The following DPYSL5 variants were observed in gnomAD, a reference collection of about 807,000 sequenced individuals.
DPYSL5 encodes the protein dihydropyrimidinase-related protein 5.
DPYSL5 carries 9 observed loss-of-function variants against 58.4 expected under a neutral mutation model. The ratio of observed to expected loss-of-function variants is 0.15; its 90% confidence interval spans 0.09 to 0.27. DPYSL5 has a LOEUF of 0.27. Ranked by LOEUF, DPYSL5 falls within the 10% of genes least tolerant of loss-of-function variation. The probability of loss-of-function intolerance (pLI) is 1.00; values close to 1 mark genes in which losing one functional copy is unlikely to be tolerated. For missense variants in DPYSL5, 499 were observed against 770.6 expected, an observed-to-expected ratio of 0.65 and a Z score of 4.17; for synonymous variants, 293 against 301.9, an observed-to-expected ratio of 0.97 and a Z score of 0.31.
intron 2 of DPYSL5, among the ~76,000 whole-genome samples, chr2:26,913,527 G>A (rs542694712): frequency 4.9e-4 from 74 of 152,268 alleles, no homozygotes; most frequent in South Asian, 3.7e-3. Flanking sequence ...TGGATACCTA[G>A]GTTGCTACCA....
Position 26,927,479 on chromosome 2 carries a change from C to T in DPYSL5, c.600+47C>T, listed in dbSNP as rs747597484. Reference sequence around the variant, plus strand: ...TTGGATGGAGGGACACCAGTGGAGACAGTTAGTTCTCAGGGGATTCCTGAC... The same window carrying T: ...TTGGATGGAGGGACACCAGTGGAGATAGTTAGTTCTCAGGGGATTCCTGAC... On this transcript the variant is annotated intron_variant, in intron 4 of 12. Transcript: ENST00000288699. This position sits in a 1 kb window ranked among gnomAD's most constrained non-coding sequence, Gnocchi z 4.3. 4.8e-5 allele frequency: 76 copies of T among 1,593,554 alleles called. No individual in the cohort carries two copies. In the Middle Eastern group the frequency reaches 1.0e-3, roughly 21 times the overall value.
chr2:26,914,113 T>G (rs1038528581), intron 2 of DPYSL5, among the ~76,000 whole-genome samples: 2 of 152,182 alleles, frequency 1.3e-5, no homozygotes, highest in Non-Finnish European at 2.9e-5. Flanking sequence ...CAGACCGGTT[T>G]CCAGTATTAC....
intron 1 of DPYSL5, among the ~76,000 whole-genome samples, chr2:26,855,289 C>T (rs1008677473): frequency 2.0e-5 from 3 of 151,732 alleles, no homozygotes; most frequent in East Asian, 2.0e-4. Flanking sequence ...TTTAGCTGGG[C>T]GTGGTGGCAG....
intron 1 of DPYSL5, among the ~76,000 whole-genome samples, chr2:26,863,335 G>T (rs1039946408): frequency 2.6e-5 from 4 of 152,314 alleles, no homozygotes; most frequent in African/African-American, 9.6e-5. Context: ...CAGGAGTGTG[G>T]GACAGTCTTG....
intron 1 of DPYSL5, among the ~76,000 whole-genome samples, chr2:26,869,986 G>A (rs1485127271): frequency 2.0e-5 from 3 of 152,200 alleles, no homozygotes; most frequent in Non-Finnish European, 2.9e-5. Context: ...ACTCCAGCCT[G>A]GGTGACAGAG....
At chr2:26,931,561 A>G in intron 5 of DPYSL5, 79 bp from the exon 6 acceptor site, 1 of 1,577,094 alleles carries the variant, frequency 6.3e-7, no homozygotes, top group South Asian at 1.1e-5. Flanking sequence ...CAGTTGCTCC[A>G]TGAAGGGGAG....
At chr2:26,874,747 T>A (rs1314805907) in intron 1 of DPYSL5, among the ~76,000 whole-genome samples, 2 of 152,174 alleles carry the variant, frequency 1.3e-5, no homozygotes, top group Non-Finnish European at 2.9e-5. Flanking sequence ...TGGTGAGAGG[T>A]GTGGCTGCTG....
chr2:26,943,714 A>G lies in DPYSL5; in HGVS notation c.1441-942A>G, dbSNP rs141982691. 3.6e-3 allele frequency among the ~76,000 whole-genome samples: 542 copies of G among 152,314 alleles called. 4 individuals are homozygous for G. Among genetic ancestry groups the G allele is most frequent in the Middle Eastern group, 0.024 (7 of 294 alleles). ...TCTCCTGCAACTCTCTGATGTAGGT[A>G]TAGTATTATGGGCACAGAAAAGTAA... On this transcript the variant is annotated intron_variant, in intron 11 of 12. Transcript: ENST00000288699.
chr2:26,857,487 C>A (rs369180947), intron 1 of DPYSL5, among the ~76,000 whole-genome samples: 4 of 151,842 alleles, frequency 2.6e-5, no homozygotes, highest in East Asian at 1.9e-4. Flanking sequence ...TTGCAGTGAG[C>A]CGAGATTGCT....
chr2:26,889,109 G>A (rs547697529), intron 1 of DPYSL5, among the ~76,000 whole-genome samples: 16 of 152,234 alleles, frequency 1.1e-4, no homozygotes, highest in African/African-American at 1.9e-4. Flanking sequence ...ATTAGGCTTC[G>A]ACATATGAAT....
chr2:26,938,873 C>G (rs1158949592), intron 8 of DPYSL5: 2 of 152,130 alleles, frequency 1.3e-5, no homozygotes, highest in Non-Finnish European at 2.9e-5. Flanking sequence ...TCCAGCCAGG[C>G]CTTTCTCTGG....
chr2:26,873,816 G>C (rs867767293), intron 1 of DPYSL5, among the ~76,000 whole-genome samples: 1 of 152,126 alleles, frequency 6.6e-6, no homozygotes, highest in African/African-American at 2.4e-5. Context: ...TTCTTTACTC[G>C]GTCTACTGAC....
chr2:26,892,684 CA>C (rs887386485), intron 1 of DPYSL5, among the ~76,000 whole-genome samples: 3 of 141,626 alleles, frequency 2.1e-5, no homozygotes, highest in African/African-American at 7.8e-5. Flanking sequence ...AAAACAAAAA[CA>C]AAAAAACAAA....
intron 11 of DPYSL5, among the ~76,000 whole-genome samples, chr2:26,943,142 G>T (rs1377999029): frequency 1.3e-5 from 2 of 152,064 alleles, no homozygotes; most frequent in African/African-American, 4.8e-5. Context: ...GCAAGCGGGG[G>T]GTAGAGCTGG....
rs529990610 is a variant in DPYSL5 at position 26,934,420 on chromosome 2, G to A, written c.791-158G>A. Among the ~76,000 whole-genome samples, 51 of 152,290 alleles carry A rather than the reference G, an allele frequency of 3.3e-4. No homozygotes were observed. The highest frequency in any genetic ancestry group is 1.0e-3 in the African/African-American group (43 of 41,546). On this transcript the variant is annotated intron_variant, in intron 7 of 12. Transcript: ENST00000288699. The surrounding 1 kb of genome is among the most constrained non-coding windows in gnomAD (Gnocchi z 4.3). Reference sequence around the variant, plus strand: ...TCAGCAGAATAGGGAGGCTCTCTGGGCTTGAACCCAGCTGTGCTCTTAAAA... The same window carrying A: ...TCAGCAGAATAGGGAGGCTCTCTGGACTTGAACCCAGCTGTGCTCTTAAAA...
intron 5 of DPYSL5, among the ~76,000 whole-genome samples, chr2:26,929,051 A>G (rs6547317): frequency 0.59 from 89,056 of 151,548 alleles, 26,547 homozygotes; most frequent in East Asian, 0.68. Context: ...GCAGGAGGTG[A>G]GCAGCGGGCC....
chr2:26,934,755 A>C lies in DPYSL5; in HGVS notation c.947+21A>C. 1 of 1,613,466 alleles carries C rather than the reference A, an allele frequency of 6.2e-7. No individual in the cohort carries two copies. Among genetic ancestry groups the C allele is most frequent in the Non-Finnish European group, 8.5e-7 (1 of 1,179,612 alleles). ...GCCAAGTAAGGCGTTTCAGCAGCACATTGCAGGGATGTGTACATCTTTAGG... is the reference window on the plus strand; with the variant it reads ...GCCAAGTAAGGCGTTTCAGCAGCACCTTGCAGGGATGTGTACATCTTTAGG... On this transcript the variant is annotated intron_variant, in intron 8 of 12. Coordinates refer to ENST00000288699, the MANE Select transcript of DPYSL5 (RefSeq NM_020134.4). This position sits in a 1 kb window ranked among gnomAD's most constrained non-coding sequence, Gnocchi z 4.3.
At chr2:26,850,582 C>T (rs1355715313) in intron 1 of DPYSL5, among the ~76,000 whole-genome samples, 1 of 151,800 alleles carries the variant, frequency 6.6e-6, no homozygotes, top group Non-Finnish European at 1.5e-5. Flanking sequence ...CCAGACTGGG[C>T]GATACTTGGC....
chr2:26,947,172 TCTAACAGGCACTTTGA>T lies in DPYSL5; in HGVS notation c.*178_*193del, dbSNP rs929715311. On this transcript the variant is annotated 3_prime_UTR_variant, in exon 13 of 13. Transcript: ENST00000288699. The surrounding 1 kb of genome is among the most constrained non-coding windows in gnomAD (Gnocchi z 4.2). Reference sequence around the variant, plus strand: ...GTGATTCACTGTGCTTCGAGCCAACTCTAACAGGCACTTTGAGATGTGTTCCTCCTGCTGTAGTCCT... The same window carrying T: ...GTGATTCACTGTGCTTCGAGCCAACTGATGTGTTCCTCCTGCTGTAGTCCT... The T allele has an allele frequency of 4.1e-5, 24 of 582,578 alleles. No individual in the cohort carries two copies. Among genetic ancestry groups the T allele is most frequent in the Non-Finnish European group, 6.5e-5 (21 of 322,716 alleles). 36.1% of individuals were successfully genotyped at this position (582,578 alleles called of 1,614,324 possible). A position where few individuals can be genotyped will look rare whatever the true frequency, so the allele number is the denominator to read the frequency against.
Sources: gnomAD v4.1 joint callset for allele counts (sites outside exome capture counted in the v4.1 genomes callset) on GRCh38, gnomAD v4.1.1 for gene constraint, Gnocchi (gnomAD v3.1) non-coding constraint, MANE v1.5 for transcripts, NCBI Gene and HGNC (gene_info 2026-07-23, HGNC 2026-07-21) for gene names.